TTLL11: variants seen among roughly 807,000 people sequenced by gnomAD.
The protein encoded by TTLL11 is tubulin polyglutamylase TTLL11.
Under a neutral mutation model 51.7 loss-of-function variants are expected in TTLL11, and 42 were observed. The ratio of observed to expected loss-of-function variants is 0.81; its 90% confidence interval spans 0.64 to 1.05. TTLL11 has a LOEUF of 1.05. TTLL11 is among the 50% of genes least tolerant of loss of function. TTLL11 has a pLI of 0.00. For synonymous variants in TTLL11, 381 were observed against 383.5 expected, an observed-to-expected ratio of 0.99 and a Z score of 0.08; for missense variants, 799 against 940.4, an observed-to-expected ratio of 0.85 and a Z score of 1.97.
chr9:121,872,217 C>T (rs570526236), intron 6 of TTLL11, among the ~76,000 whole-genome samples: 50 of 152,348 alleles, frequency 3.3e-4, no homozygotes, highest in African/African-American at 1.2e-3. Flanking sequence ...TTCCTCTGGC[C>T]GTGGCTGGCT....
chr9:121,984,508 T>C (rs1429993144), intron 4 of TTLL11, among the ~76,000 whole-genome samples: 1 of 152,146 alleles, frequency 6.6e-6, no homozygotes, highest in African/African-American at 2.4e-5. Context: ...ATTGTTAACT[T>C]GCCAAGCAGA....
intron 6 of TTLL11, among the ~76,000 whole-genome samples, chr9:121,947,233 G>C (rs1841701972): frequency 6.6e-6 from 1 of 152,094 alleles, no homozygotes; most frequent in African/African-American, 2.4e-5. Flanking sequence ...GCTGTGGTGG[G>C]AATATTTACA....
At chr9:122,080,272 T>G (rs1845969028) in intron 1 of TTLL11, among the ~76,000 whole-genome samples, 1 of 152,244 alleles carries the variant, frequency 6.6e-6, no homozygotes, top group South Asian at 2.1e-4. Flanking sequence ...CCCTCAGAGC[T>G]GAGCATAAAT....
intron 1 of TTLL11, 149 bp downstream of exon 1, chr9:122,092,538 G>A: frequency 7.0e-7 from 1 of 1,429,436 alleles, no homozygotes; most frequent in Non-Finnish European, 9.2e-7. Flanking sequence ...TGAAGGATGA[G>A]CACTTTGCGG....
In TTLL11 at chr9:122,092,850, C is replaced by T. The variant is rs1240911263; in HGVS notation, c.299G>A (p.Cys100Tyr). 5.1e-6 allele frequency: 8 copies of T among 1,568,712 alleles called. No individual in the cohort carries two copies. The highest frequency in any genetic ancestry group is 1.8e-5 in the Admixed American group (1 of 55,930). ...CTTGTCCCGGGGCTTCCCGTGCGGG[C>T]AGAGGCCCTGCACCGGCTTCGGCTT... ...PSKPKPVQGL[C>Y]PHGKPRDKGR... The change falls in exon 1 of 9, where the codon TGC becomes TAC. Residue 100 changes from cysteine to tyrosine, a missense_variant. Physicochemically the swap from Cys to Tyr is radical, Grantham distance 194. Coordinates refer to ENST00000321582, the MANE Select transcript of TTLL11 (RefSeq NM_001139442.2).
intron 3 of TTLL11, among the ~76,000 whole-genome samples, chr9:122,001,929 A>G (rs1235388549): frequency 6.6e-6 from 1 of 152,224 alleles, no homozygotes; most frequent in East Asian, 1.9e-4. Flanking sequence ...TTACTTGTAC[A>G]TGCCTTTGAT....
intron 8 of TTLL11, among the ~76,000 whole-genome samples, chr9:121,848,160 T>C (rs959415946): frequency 1.3e-5 from 2 of 151,798 alleles, no homozygotes; most frequent in African/African-American, 4.9e-5. Context: ...TGAGCCAAGA[T>C]TGTGTCACTG....
chr9:121,928,548 C>A (rs1292027942), intron 6 of TTLL11, among the ~76,000 whole-genome samples: 1 of 151,470 alleles, frequency 6.6e-6, no homozygotes, highest in East Asian at 1.9e-4. Context: ...TCAAGCGATT[C>A]CCCTGCCTCA....
chr9:122,023,877 C>T (rs11506930), intron 3 of TTLL11, among the ~76,000 whole-genome samples: 6,694 of 152,148 alleles, frequency 0.044, 175 homozygotes, highest in African/African-American at 0.074. Flanking sequence ...AGACGAAATC[C>T]ATAACCCCTA....
At chr9:121,984,186 G>T (rs1367862279) in intron 4 of TTLL11, among the ~76,000 whole-genome samples, 3 of 152,176 alleles carry the variant, frequency 2.0e-5, no homozygotes, top group South Asian at 4.1e-4. Context: ...GGTGACAAAT[G>T]CCAGGCTAAG....
intron 8 of TTLL11, among the ~76,000 whole-genome samples, chr9:121,854,720 G>A (rs1173812502): frequency 6.6e-6 from 1 of 152,088 alleles, no homozygotes; most frequent in Non-Finnish European, 1.5e-5. Context: ...AAGAGCTGAG[G>A]GCAAAGTCTC....
chr9:121,947,112 G>A (rs567140547), intron 6 of TTLL11, among the ~76,000 whole-genome samples: 3 of 152,240 alleles, frequency 2.0e-5, no homozygotes, highest in East Asian at 3.9e-4. Flanking sequence ...TAACAACCAC[G>A]TCCTTTCCAC....
chr9:122,005,545 C>T (rs1385328909), intron 3 of TTLL11, among the ~76,000 whole-genome samples: 4 of 152,178 alleles, frequency 2.6e-5, no homozygotes, highest in African/African-American at 7.2e-5. Flanking sequence ...CCTCTCTGCA[C>T]ACAAGTTCTG....
rs372500547 is a variant in TTLL11 at position 122,011,372 on chromosome 9, C to T, written c.693+20351G>A. Among the ~76,000 whole-genome samples the T allele has an allele frequency of 2.0e-3, 309 of 152,068 alleles. 2 individuals carry two copies. The highest frequency in any genetic ancestry group is 6.9e-3 in the African/African-American group (286 of 41,448). The stretch of plus-strand genomic sequence containing the variant: ...AAATGGAGGTAATAAGAGTATCCAT[C>T]TTATAGGTGTAATGTGAGAATTAAA... On this transcript the variant is annotated intron_variant, in intron 3 of 8. Coordinates refer to ENST00000321582, the MANE Select transcript of TTLL11 (RefSeq NM_001139442.2).
intron 8 of TTLL11, among the ~76,000 whole-genome samples, chr9:121,838,777 C>A (rs867642423): frequency 7.9e-5 from 11 of 138,650 alleles, no homozygotes; most frequent in African/African-American, 2.8e-4. Context: ...AGCAAGCAAG[C>A]AAGAAAGCAA....
At chr9:121,944,640 T>C (rs1168794727) in intron 6 of TTLL11, among the ~76,000 whole-genome samples, 1 of 152,204 alleles carries the variant, frequency 6.6e-6, no homozygotes, top group African/African-American at 2.4e-5. Context: ...TAAACAAAAA[T>C]ACAAATTCCT....
At chr9:121,946,406 C>T (rs1439067527) in intron 6 of TTLL11, among the ~76,000 whole-genome samples, 2 of 152,208 alleles carry the variant, frequency 1.3e-5, no homozygotes, top group South Asian at 2.1e-4. Flanking sequence ...GCACAAAACA[C>T]GCACACAGCC....
intron 3 of TTLL11, among the ~76,000 whole-genome samples, chr9:122,007,251 A>G (rs1843682828): frequency 6.6e-6 from 1 of 152,008 alleles, no homozygotes; most frequent in East Asian, 1.9e-4. Flanking sequence ...GGGCAGGAAA[A>G]GTATAAGAAA....
chr9:121,945,749 C>T (rs58874107), intron 6 of TTLL11, among the ~76,000 whole-genome samples: 12,893 of 152,182 alleles, frequency 0.085, 852 homozygotes, highest in African/African-American at 0.18. Context: ...AGTCAATGTC[C>T]ATGTCCCTTA....
Sources: gnomAD v4.1 joint callset for allele counts (sites outside exome capture counted in the v4.1 genomes callset) on GRCh38, gnomAD v4.1.1 for gene constraint, MANE v1.5 for transcripts, NCBI Gene and HGNC (gene_info 2026-07-23, HGNC 2026-07-21) for gene names.